ZDHHC7: variants seen among roughly 807,000 people sequenced by gnomAD.
ZDHHC7 encodes the protein palmitoyltransferase ZDHHC7.
A neutral mutation model predicts 34.1 loss-of-function variants in ZDHHC7; 12 were observed. The ratio of observed to expected loss-of-function variants is 0.35; its 90% confidence interval spans 0.23 to 0.57. The LOEUF (loss-of-function observed/expected upper bound fraction) is 0.57, where lower values mean the gene tolerates loss of function less well. Among genes scored for constraint, ZDHHC7 ranks in the 20% least tolerant of loss-of-function variants. ZDHHC7 has a pLI of 0.84. For synonymous variants in ZDHHC7, 185 were observed against 155.4 expected (o/e 1.19, Z -1.42); for missense variants, 388 against 402.7 (o/e 0.96, Z 0.31).
chr16:84,983,355 G>C (rs1446565586), intron 3 of ZDHHC7, among the ~76,000 whole-genome samples: 1 of 152,212 alleles, frequency 6.6e-6, no homozygotes, highest in African/African-American at 2.4e-5. Context: ...GGGCTCCGGA[G>C]CCACAGATCT....
At chr16:84,984,144 C>G (rs1443938771) in intron 3 of ZDHHC7, among the ~76,000 whole-genome samples, 1 of 151,766 alleles carries the variant, frequency 6.6e-6, no homozygotes, top group Non-Finnish European at 1.5e-5. Flanking sequence ...CTCAGCCTAC[C>G]AAGTAGCTGG....
chr16:85,026,029 C>G, the ZDHHC7 span, among the ~76,000 whole-genome samples: 2 of 152,204 alleles, frequency 1.3e-5, no homozygotes, highest in Admixed American at 1.3e-4. Flanking sequence ...TGTAATCTGC[C>G]TCTCTCTAAC....
intron 1 of ZDHHC7, among the ~76,000 whole-genome samples, chr16:85,000,735 T>C (rs59059737): frequency 0.14 from 21,062 of 151,124 alleles, 1,793 homozygotes; most frequent in East Asian, 0.33. Context: ...GGCTGGGGAG[T>C]TGGGGGGTGA....
At chr16:84,991,016 G>C (rs2072503037) in intron 2 of ZDHHC7, among the ~76,000 whole-genome samples, 2 of 152,160 alleles carry the variant, frequency 1.3e-5, no homozygotes, top group Non-Finnish European at 2.9e-5. Context: ...ACCTGTTCCT[G>C]CTCTGCTCAG....
chr16:85,020,085 C>T, the ZDHHC7 span, among the ~76,000 whole-genome samples: 2 of 152,344 alleles, frequency 1.3e-5, no homozygotes, highest in African/African-American at 2.4e-5. Flanking sequence ...GTTTCGGCTG[C>T]GCCACACCCC....
chr16:84,982,324 G>A (rs1021224955), intron 3 of ZDHHC7, among the ~76,000 whole-genome samples: 20 of 147,064 alleles, frequency 1.4e-4, no homozygotes, highest in South Asian at 2.1e-4. Flanking sequence ...CAACCTGGGC[G>A]ACAGGGCAAG....
chr16:85,005,932 A>G (rs1206544441), intron 1 of ZDHHC7, among the ~76,000 whole-genome samples: 1 of 152,190 alleles, frequency 6.6e-6, no homozygotes, highest in African/African-American at 2.4e-5. Context: ...TCCCACTTAC[A>G]GCTCTGATCC....
chr16:84,981,476 G>A (rs1280523901), intron 4 of ZDHHC7, among the ~76,000 whole-genome samples: 3 of 152,238 alleles, frequency 2.0e-5, no homozygotes, highest in African/African-American at 7.2e-5. Flanking sequence ...GAGCAGGAGT[G>A]AGGGGAAGGT....
At chr16:85,022,497 T>C in the ZDHHC7 span, among the ~76,000 whole-genome samples, 1 of 152,262 alleles carries the variant, frequency 6.6e-6, no homozygotes, top group South Asian at 2.1e-4. Context: ...GACTCCAGCC[T>C]GGGCAAAAGA....
chr16:85,021,026 G>C, the ZDHHC7 span, among the ~76,000 whole-genome samples: 1 of 151,540 alleles, frequency 6.6e-6, no homozygotes, highest in Non-Finnish European at 1.5e-5. Context: ...GATCGCTTGA[G>C]CCCAGGAGGT....
At chr16:85,011,754 G>C (rs1459257809), upstream of ZDHHC7, among the ~76,000 whole-genome samples, 1 of 152,238 alleles carries the variant, frequency 6.6e-6, no homozygotes. Flanking sequence ...GGCTGCAGCA[G>C]GGTCCAAGCC....
At chr16:85,024,138 A>C in the ZDHHC7 span, among the ~76,000 whole-genome samples, 1 of 149,708 alleles carries the variant, frequency 6.7e-6, no homozygotes, top group African/African-American at 2.5e-5. Flanking sequence ...GGCTGGTCTC[A>C]AACTCCTGAC....
chr16:85,010,568 C>T (rs1475705320), intron 1 of ZDHHC7, among the ~76,000 whole-genome samples: 1 of 152,232 alleles, frequency 6.6e-6, no homozygotes, highest in Non-Finnish European at 1.5e-5. Context: ...GCACTGTATA[C>T]AGCCCAGACA....
chr16:85,019,844 G>T, the ZDHHC7 span, among the ~76,000 whole-genome samples: 1 of 152,232 alleles, frequency 6.6e-6, no homozygotes, highest in Non-Finnish European at 1.5e-5. Context: ...TGAGCAGTGT[G>T]CTCCCGGTCA....
chr16:85,011,071 C>A (rs1430073500), intron 1 of ZDHHC7, among the ~76,000 whole-genome samples: 1 of 152,256 alleles, frequency 6.6e-6, no homozygotes, highest in African/African-American at 2.4e-5. Context: ...CGGGCCCTAT[C>A]CCGAGAGAGC....
the ZDHHC7 span, among the ~76,000 whole-genome samples, chr16:85,022,324 C>T: frequency 2.0e-4 from 31 of 152,048 alleles, no homozygotes; most frequent in Non-Finnish European, 4.4e-5. Context: ...AGTTCGAGAC[C>T]AGCCTGGCCA....
intron 2 of ZDHHC7, among the ~76,000 whole-genome samples, chr16:84,995,078 T>C (rs3848249): frequency 0.43 from 65,007 of 151,986 alleles, 14,737 homozygotes; most frequent in African/African-American, 0.56. Flanking sequence ...CACAGCCTTA[T>C]TCTGCACTGA....
chr16:84,977,624 G>C (rs2072314861), intron 6 of ZDHHC7, among the ~76,000 whole-genome samples: 1 of 152,318 alleles, frequency 6.6e-6, no homozygotes, highest in Non-Finnish European at 1.5e-5. Flanking sequence ...TCTAAGGTAG[G>C]ATAACGAGCA....
chr16:84,997,599 A>G (rs1195317524), intron 1 of ZDHHC7, among the ~76,000 whole-genome samples: 2 of 151,332 alleles, frequency 1.3e-5, no homozygotes, highest in Non-Finnish European at 2.9e-5. Flanking sequence ...GAATTGGACA[A>G]AAGAGTAGAA....
Sources: gnomAD v4.1 joint callset for allele counts (sites outside exome capture counted in the v4.1 genomes callset) on GRCh38, gnomAD v4.1.1 for gene constraint, MANE v1.5 for transcripts, NCBI Gene and HGNC (gene_info 2026-07-23, HGNC 2026-07-21) for gene names.